Variants in TENM1 observed in about 807,000 individuals in gnomAD.
The protein encoded by TENM1 is teneurin-1.
A neutral mutation model predicts 174.8 loss-of-function variants in TENM1; 35 were observed. The observed-to-expected ratio is 0.20, with a 90% CI of 0.15 to 0.27. The LOEUF (loss-of-function observed/expected upper bound fraction) is 0.27, where lower values mean the gene tolerates loss of function less well. TENM1 is among the 10% of genes least tolerant of loss of function. The pLI is 1.00. For missense variants in TENM1, 1,633 were observed against 2,130.1 expected (o/e 0.77, Z 4.59); for synonymous variants, 781 against 798.7 (o/e 0.98, Z 0.37).
At chrX:124,869,487 A>C (rs2057069326) in intron 3 of TENM1, among the ~76,000 whole-genome samples, 1 of 111,684 alleles carries the variant, frequency 9.0e-6, no homozygotes, top group South Asian at 3.8e-4. Flanking sequence ...TACCCAAAAT[A>C]AAGGAAATCA....
chrX:124,585,525 A>G (rs1396635951), intron 11 of TENM1, among the ~76,000 whole-genome samples: 1 of 111,771 alleles, frequency 8.9e-6, no homozygotes, highest in African/African-American at 3.3e-5. Context: ...TCTCTGGGAC[A>G]CATTCAAAGC....
chrX:125,036,755 C>G, the TENM1 span, among the ~76,000 whole-genome samples: 1 of 111,575 alleles, frequency 9.0e-6, no homozygotes, highest in Non-Finnish European at 1.9e-5. Flanking sequence ...ATCAGGCTTC[C>G]ACTGTGTGCA....
chrX:124,706,848 A>C (rs2052917679), intron 4 of TENM1, among the ~76,000 whole-genome samples: 1 of 111,307 alleles, frequency 9.0e-6, no homozygotes, highest in Admixed American at 9.6e-5. Context: ...AGAAATGGAG[A>C]CCAAAAGAGG....
At chrX:125,187,522 A>T in the TENM1 span, among the ~76,000 whole-genome samples, 2 of 111,707 alleles carry the variant, frequency 1.8e-5, no homozygotes, top group Admixed American at 1.9e-4. Context: ...AAATAAATCA[A>T]GGATTTATTT....
chrX:124,992,761 T>C, the TENM1 span, among the ~76,000 whole-genome samples: 1 of 111,959 alleles, frequency 8.9e-6, no homozygotes, highest in African/African-American at 3.2e-5. Context: ...ATTAGCATTG[T>C]ATCATATTCT....
the TENM1 span, among the ~76,000 whole-genome samples, chrX:125,046,681 C>G: frequency 8.9e-6 from 1 of 112,129 alleles, no homozygotes; most frequent in Non-Finnish European, 1.9e-5. Flanking sequence ...GGGACATGTC[C>G]TGCCGAATGT....
At chrX:125,128,672 G>A in the TENM1 span, among the ~76,000 whole-genome samples, 7 of 111,508 alleles carry the variant, frequency 6.3e-5, no homozygotes, top group East Asian at 2.0e-3. Flanking sequence ...GCCACAAGAC[G>A]GAAAGAGCCT....
At chrX:125,128,664 C>T in the TENM1 span, among the ~76,000 whole-genome samples, 1 of 111,546 alleles carries the variant, frequency 9.0e-6, no homozygotes, top group Middle Eastern at 4.6e-3. Flanking sequence ...AGGCCACAGC[C>T]ACAAGACGGA....
chrX:124,734,413 G>C (rs183479740), intron 4 of TENM1, among the ~76,000 whole-genome samples: 1 of 110,229 alleles, frequency 9.1e-6, no homozygotes, highest in African/African-American at 3.3e-5. Context: ...TCTTGCCACC[G>C]CACTCCAGCC....
At chrX:125,187,249 G>C in the TENM1 span, among the ~76,000 whole-genome samples, 73 of 112,274 alleles carry the variant, frequency 6.5e-4, no homozygotes, top group Non-Finnish European at 7.5e-4. Flanking sequence ...GACGGGGCAA[G>C]ACTCTGTCTC....
chrX:125,091,876 T>C, the TENM1 span, among the ~76,000 whole-genome samples: 1 of 105,717 alleles, frequency 9.5e-6, no homozygotes, highest in African/African-American at 3.5e-5. Flanking sequence ...TCCCAGCTAC[T>C]TGGGAGGCTG....
chrX:125,063,447 C>T, the TENM1 span, among the ~76,000 whole-genome samples: 2 of 111,524 alleles, frequency 1.8e-5, no homozygotes, highest in African/African-American at 3.3e-5. Flanking sequence ...TCTACAATGA[C>T]TCAAACAAAT....
At chrX:124,503,406 A>G (rs1055386256) in intron 19 of TENM1, among the ~76,000 whole-genome samples, 154 bp downstream of exon 22, 1 of 112,013 alleles carries the variant, frequency 8.9e-6, no homozygotes, top group Non-Finnish European at 1.9e-5. Flanking sequence ...CACTAAGAGT[A>G]ATTCAAAATA....
At chrX:124,498,363 T>C (rs1276838645) in intron 19 of TENM1, among the ~76,000 whole-genome samples, 2 of 111,026 alleles carry the variant, frequency 1.8e-5, no homozygotes, top group Non-Finnish European at 3.8e-5. Flanking sequence ...ACTCCTGCCA[T>C]AGAGATTATT....
chrX:124,947,691 G>A (rs1308138787), intron 1 of TENM1, among the ~76,000 whole-genome samples: 1 of 111,991 alleles, frequency 8.9e-6, no homozygotes, highest in Non-Finnish European at 1.9e-5. Context: ...GCATTTTTCT[G>A]TAACAGCTTT....
At chrX:125,093,496 A>G in the TENM1 span, among the ~76,000 whole-genome samples, 80 of 112,209 alleles carry the variant, frequency 7.1e-4, no homozygotes, top group African/African-American at 2.4e-3. Context: ...TAAAATAGCA[A>G]AGAGAGTCAT....
At chrX:124,996,389 C>T in the TENM1 span, among the ~76,000 whole-genome samples, 1 of 110,340 alleles carries the variant, frequency 9.1e-6, no homozygotes, top group African/African-American at 3.3e-5. Context: ...TCTAATACAG[C>T]ACTCCTAAAA....
intron 3 of TENM1, among the ~76,000 whole-genome samples, chrX:124,819,623 G>C (rs1407429562): frequency 9.0e-6 from 1 of 110,811 alleles, no homozygotes; most frequent in East Asian, 2.8e-4. Flanking sequence ...GAGGGTGGGG[G>C]AAACTGTTTC....
the TENM1 span, among the ~76,000 whole-genome samples, chrX:125,129,901 A>G: frequency 8.9e-6 from 1 of 111,793 alleles, no homozygotes; most frequent in East Asian, 2.8e-4. Context: ...GTGCTGCAAC[A>G]AACATTGGAA....
Sources: gnomAD v4.1 joint callset for allele counts (sites outside exome capture counted in the v4.1 genomes callset) on GRCh38, gnomAD v4.1.1 for gene constraint, MANE v1.5 for transcripts, NCBI Gene and HGNC (gene_info 2026-07-23, HGNC 2026-07-21) for gene names.